Variants in RFPL1 observed in about 807,000 individuals in gnomAD.
The protein encoded by RFPL1 is ret finger protein like 1, also known as ret finger protein-like 1.
Under a neutral mutation model 9.6 loss-of-function variants are expected in RFPL1, and 6 were observed. The ratio of observed to expected loss-of-function variants is 0.62; its 90% confidence interval spans 0.34 to 1.23. The LOEUF (loss-of-function observed/expected upper bound fraction) is 1.23. Ranked by LOEUF, RFPL1 falls within the 50% of genes most tolerant of loss-of-function variation. The probability of loss-of-function intolerance (pLI) is 0.03; values close to 1 mark genes in which losing one functional copy is unlikely to be tolerated. For synonymous variants in RFPL1, 145 were observed against 149.4 expected, an observed-to-expected ratio of 0.97 and a Z score of 0.22; for missense variants, 352 against 398.4, an observed-to-expected ratio of 0.88 and a Z score of 0.99.
chr22:29,402,500 C>A, the RFPL1 span, among the ~76,000 whole-genome samples: 1,540 of 152,200 alleles, frequency 0.01, 24 homozygotes, highest in African/African-American at 0.035. Context: ...ATTTTATAGA[C>A]AAGGAAGGGA....
chr22:29,401,485 T>C, the RFPL1 span, among the ~76,000 whole-genome samples: 1,685 of 152,346 alleles, frequency 0.011, 15 homozygotes, highest in Non-Finnish European at 0.017. Flanking sequence ...CTACATTCTC[T>C]GTCTAGGGGA....
At chr22:29,435,641 A>G (rs1170059045), upstream of RFPL1, among the ~76,000 whole-genome samples, 1 of 152,206 alleles carries the variant, frequency 6.6e-6, no homozygotes, top group Non-Finnish European at 1.5e-5. Flanking sequence ...TCAGACACTG[A>G]ATCCCAAGGA....
chr22:29,397,667 C>A, the RFPL1 span, among the ~76,000 whole-genome samples: 6 of 152,194 alleles, frequency 3.9e-5, no homozygotes, highest in African/African-American at 1.4e-4. Flanking sequence ...GGTGATGGGA[C>A]TCTGTGGGTG....
chr22:29,410,281 G>T, the RFPL1 span, among the ~76,000 whole-genome samples: 24 of 110,908 alleles, frequency 2.2e-4, 1 homozygote, highest in African/African-American at 6.4e-4. Flanking sequence ...TATATATATA[G>T]ATCTATATAT....
At chr22:29,413,281 TC>T in the RFPL1 span, among the ~76,000 whole-genome samples, 1 of 152,012 alleles carries the variant, frequency 6.6e-6, no homozygotes, top group Non-Finnish European at 1.5e-5. Flanking sequence ...TTTATACAGC[TC>T]GAGTTTTCCT....
At chr22:29,430,854 T>C in the RFPL1 span, among the ~76,000 whole-genome samples, 1 of 152,190 alleles carries the variant, frequency 6.6e-6, no homozygotes, top group Admixed American at 6.5e-5. Context: ...AGCAGATAGC[T>C]ACAGAAATCC....
At chr22:29,410,603 ATAGATATATC>A in the RFPL1 span, among the ~76,000 whole-genome samples, 50 of 99,248 alleles carry the variant, frequency 5.0e-4, no homozygotes, top group African/African-American at 2.1e-3. Context: ...ATAGATATAT[ATAGATATATC>A]TATCTATATA....
chr22:29,432,315 G>A, the RFPL1 span, among the ~76,000 whole-genome samples: 6 of 152,120 alleles, frequency 3.9e-5, no homozygotes, highest in Admixed American at 1.3e-4. Context: ...AAAGCCCCCT[G>A]CATTTGTGTC....
chr22:29,425,735 G>T, the RFPL1 span, among the ~76,000 whole-genome samples: 8 of 152,054 alleles, frequency 5.3e-5, no homozygotes, highest in African/African-American at 1.9e-4. Context: ...GGGAGGCCGC[G>T]GTGGGTGGAT....
chr22:29,441,627 A>G, exon 2 of RFPL1: 7 of 1,613,914 alleles, frequency 4.3e-6, no homozygotes, highest in Non-Finnish European at 5.9e-6. Context: ...GGTGCATCAC[A>G]CAGAATCGGC....
chr22:29,409,460 C>T, the RFPL1 span, among the ~76,000 whole-genome samples: 637 of 152,220 alleles, frequency 4.2e-3, 4 homozygotes, highest in African/African-American at 0.014. Context: ...CAGCTCGGTC[C>T]AAGCTTGTCA....
At chr22:29,425,734 C>A in the RFPL1 span, among the ~76,000 whole-genome samples, 10 of 151,684 alleles carry the variant, frequency 6.6e-5, no homozygotes, top group East Asian at 1.4e-3. Flanking sequence ...TGGGAGGCCG[C>A]GGTGGGTGGA....
the RFPL1 span, among the ~76,000 whole-genome samples, chr22:29,421,760 TC>T: frequency 1.3e-5 from 2 of 150,816 alleles, no homozygotes; most frequent in Non-Finnish European, 3.0e-5. Context: ...CCCCCATCGA[TC>T]TGGCCAGCTC....
At chr22:29,426,478 G>A in the RFPL1 span, among the ~76,000 whole-genome samples, 2 of 152,152 alleles carry the variant, frequency 1.3e-5, no homozygotes, top group African/African-American at 4.8e-5. Context: ...GAGGCTGGGT[G>A]CAGTGGCTCA....
the RFPL1 span, among the ~76,000 whole-genome samples, chr22:29,425,485 C>G: frequency 6.6e-6 from 1 of 152,118 alleles, no homozygotes; most frequent in Non-Finnish European, 1.5e-5. Context: ...AATTAAAAAC[C>G]TATTAGGAAG....
chr22:29,422,161 T>G, the RFPL1 span, among the ~76,000 whole-genome samples: 1 of 152,250 alleles, frequency 6.6e-6, no homozygotes, highest in African/African-American at 2.4e-5. Flanking sequence ...TCCAACGATA[T>G]AAGCCTAGCT....
chr22:29,426,369 A>AT, the RFPL1 span, among the ~76,000 whole-genome samples: 2 of 151,906 alleles, frequency 1.3e-5, no homozygotes, highest in Non-Finnish European at 2.9e-5. Flanking sequence ...GTAATGATGT[A>AT]TTTTTTGTCC....
the RFPL1 span, among the ~76,000 whole-genome samples, chr22:29,413,073 C>A: frequency 2.0e-5 from 3 of 151,896 alleles, no homozygotes; most frequent in Non-Finnish European, 4.4e-5. Flanking sequence ...AGGATCAGAG[C>A]AGCAAACGAT....
chr22:29,435,710 A>G (rs998664307), upstream of RFPL1, among the ~76,000 whole-genome samples: 1 of 149,020 alleles, frequency 6.7e-6, no homozygotes, highest in Non-Finnish European at 1.5e-5. Context: ...TCTTTCAAAA[A>G]TATATATACA....
Sources: gnomAD v4.1 joint callset for allele counts (sites outside exome capture counted in the v4.1 genomes callset) on GRCh38, gnomAD v4.1.1 for gene constraint, MANE v1.5 for transcripts, NCBI Gene and HGNC (gene_info 2026-07-23, HGNC 2026-07-21) for gene names.